BLTP1: variants seen among roughly 807,000 people sequenced by gnomAD.
The protein encoded by BLTP1 is bridge-like lipid transfer protein family member 1.
At chr4:122,272,884 T>A in the BLTP1 span, among the ~76,000 whole-genome samples, 1 of 152,122 alleles carries the variant, frequency 6.6e-6, no homozygotes, top group Non-Finnish European at 1.5e-5. Context: ...TATGATATTT[T>A]GTCAAATCCA....
At chr4:122,314,517 G>T in the BLTP1 span, among the ~76,000 whole-genome samples, 2 of 152,286 alleles carry the variant, frequency 1.3e-5, no homozygotes, top group African/African-American at 4.8e-5. Context: ...TGTTTTGCTT[G>T]TTATAAAATT....
At chr4:122,281,831 G>A in the BLTP1 span, 1 of 1,416,744 alleles carries the variant, frequency 7.1e-7, no homozygotes, top group South Asian at 1.7e-5. Flanking sequence ...TGAGAAATTA[G>A]TAATATTTTG....
chr4:122,202,594 T>C, the BLTP1 span: 13 of 871,856 alleles, frequency 1.5e-5, no homozygotes, highest in Non-Finnish European at 1.7e-5. Flanking sequence ...TTTTTAACTT[T>C]ACTAATCTTT....
the BLTP1 span, chr4:122,210,816 G>C: frequency 2.4e-5 from 38 of 1,554,224 alleles, no homozygotes; most frequent in Non-Finnish European, 3.1e-5. Flanking sequence ...ATATTTCCTT[G>C]AAGATCTTCC....
At chr4:122,238,943 T>C in the BLTP1 span, among the ~76,000 whole-genome samples, 1 of 152,182 alleles carries the variant, frequency 6.6e-6, no homozygotes, top group Non-Finnish European at 1.5e-5. Flanking sequence ...TAACATCTTT[T>C]AAATGTAAAA....
the BLTP1 span, chr4:122,354,112 A>G: frequency 1.8e-6 from 2 of 1,085,226 alleles, no homozygotes; most frequent in East Asian, 2.6e-5. Flanking sequence ...TGGTGTTTTC[A>G]TTTCCTTAAA....
the BLTP1 span, chr4:122,297,996 C>T: frequency 4.6e-6 from 1 of 219,018 alleles, no homozygotes; most frequent in Non-Finnish European, 7.7e-6. Flanking sequence ...GTGCAGCAAA[C>T]CACCATGGCA....
chr4:122,221,151 G>C, the BLTP1 span: 4 of 550,052 alleles, frequency 7.3e-6, no homozygotes, highest in Non-Finnish European at 9.2e-6. Flanking sequence ...ATGGGAAGGT[G>C]AATCTGACAA....
At chr4:122,305,038 AT>A in the BLTP1 span, 1 of 1,495,918 alleles carries the variant, frequency 6.7e-7, no homozygotes, top group East Asian at 2.3e-5. Flanking sequence ...TTGCACATCA[AT>A]TTTAACTACT....
the BLTP1 span, chr4:122,309,290 A>G: frequency 6.2e-7 from 1 of 1,612,794 alleles, no homozygotes; most frequent in Admixed American, 1.7e-5. Flanking sequence ...AGACCTTGAC[A>G]CTGGTTCTGC....
At chr4:122,324,482 C>T in the BLTP1 span, 18 of 1,610,814 alleles carry the variant, frequency 1.1e-5, no homozygotes, top group Admixed American at 3.0e-4. Context: ...TACAGCCGAT[C>T]AAAAAGCATT....
chr4:122,232,811 A>G, the BLTP1 span, among the ~76,000 whole-genome samples: 7 of 152,102 alleles, frequency 4.6e-5, no homozygotes, highest in African/African-American at 7.2e-5. Context: ...AATAGCCTGG[A>G]CAGAGCTTGC....
At chr4:122,179,993 A>G in the BLTP1 span, 1 of 984,048 alleles carries the variant, frequency 1.0e-6, no homozygotes, top group Non-Finnish European at 1.2e-6. Context: ...CACTTCTTCC[A>G]AAGGCATCCA....
the BLTP1 span, chr4:122,246,675 T>G: frequency 6.2e-7 from 1 of 1,605,392 alleles, no homozygotes; most frequent in South Asian, 1.1e-5. Context: ...ATTTTGTGTG[T>G]GTGTTAGGTA....
the BLTP1 span, chr4:122,192,306 C>G: frequency 6.2e-7 from 1 of 1,613,634 alleles, no homozygotes. Context: ...AGACTTGCCT[C>G]CATGTTGGGG....
the BLTP1 span, among the ~76,000 whole-genome samples, chr4:122,335,793 A>C: frequency 6.6e-6 from 1 of 152,140 alleles, no homozygotes; most frequent in Non-Finnish European, 1.5e-5. Context: ...CATCCCATGT[A>C]GGGAAGCATT....
At chr4:122,309,516 T>G in the BLTP1 span, 1 of 1,521,756 alleles carries the variant, frequency 6.6e-7, no homozygotes, top group Non-Finnish European at 9.0e-7. Context: ...AATAAAACAT[T>G]AAGTCTCCAT....
chr4:122,209,383 G>A, the BLTP1 span: 41 of 1,588,356 alleles, frequency 2.6e-5, no homozygotes, highest in Non-Finnish European at 3.2e-5. Context: ...AGTGGCTCAC[G>A]CCTGTAATCC....
chr4:122,235,692 C>G, the BLTP1 span: 1 of 153,654 alleles, frequency 6.5e-6, no homozygotes, highest in Non-Finnish European at 1.4e-5. Flanking sequence ...GTAGTCCCAG[C>G]TACTCGGGAG....
Sources: allele counts gnomAD v4.1 joint callset (sites outside exome capture counted in the v4.1 genomes callset), GRCh38; gene constraint gnomAD v4.1.1; transcripts MANE v1.5; gene names NCBI Gene and HGNC (gene_info 2026-07-23, HGNC 2026-07-21).